The following SEL1L variants were observed in gnomAD, a reference collection of about 807,000 sequenced individuals.
SEL1L encodes protein sel-1 homolog 1.
A neutral mutation model predicts 109.8 loss-of-function variants in SEL1L; 52 were observed. The ratio of observed to expected loss-of-function variants is 0.47; its 90% confidence interval spans 0.38 to 0.60. The LOEUF is 0.60. SEL1L is among the 20% of genes least tolerant of loss of function. SEL1L has a pLI of 0.00. For missense variants in SEL1L, 749 were observed against 962.2 expected (o/e 0.78, Z 2.93); for synonymous variants, 373 against 339.6 (o/e 1.10, Z -1.08).
At chr14:81,527,612 G>T in intron 2 of SEL1L, 89 bp downstream of exon 2, 1 of 840,858 alleles carries the variant, frequency 1.2e-6, no homozygotes, top group Non-Finnish European at 1.8e-6. Context: ...TTACTCAAAA[G>T]TTGCAGACCT....
At chr14:81,516,147 C>T (rs960381562) in intron 3 of SEL1L, among the ~76,000 whole-genome samples, 1 of 152,198 alleles carries the variant, frequency 6.6e-6, no homozygotes, top group Non-Finnish European at 1.5e-5. Context: ...AAGCCCCCAA[C>T]CAGATGATCC....
rs1217555895 is a variant in SEL1L at position 81,526,780 on chromosome 14, T to C, written c.293A>G (p.Asn98Ser). Residue 98 changes from asparagine (N) to serine (S), a missense_variant, in exon 3 of 21, where the codon AAT (asparagine) becomes AGT (serine). Transcript: ENST00000336735. Reference protein sequence around the residue: ...TEDISFLESPNPENKDYEEPK... With the variant: ...TEDISFLESPSPENKDYEEPK... ...CTCTTCATAGTCCTTGTTTTCTGGA[T>C]TTGGAGACTCTAGAAAGCTGATATC... 4.4e-6 allele frequency: 7 copies of C among 1,608,974 alleles called. No homozygotes were observed. The highest frequency in any genetic ancestry group is 5.9e-6 in the Non-Finnish European group (7 of 1,178,726).
rs1566967398 is a variant in SEL1L at position 81,474,316 on chromosome 14, C to T, written c.*2656G>A. The T allele has an allele frequency of 6.7e-6, 1 of 150,120 alleles. No homozygotes were observed. Among genetic ancestry groups the T allele is most frequent in the Admixed American group, 6.6e-5 (1 of 15,076 alleles). The allele number at this position is 150,120 out of a possible 1,614,324, so 9.3% of individuals were successfully genotyped here. On this transcript the variant is annotated 3_prime_UTR_variant, in exon 21 of 21. Coordinates refer to ENST00000336735, the MANE Select transcript of SEL1L (RefSeq NM_005065.6). ...AGAAGCAAAATGAATAGTTTCAAGA[C>T]AGTCGGCTAACCAACAAACCAAATG...
At position 81,527,689 on chromosome 14, in the gene SEL1L, T is replaced by G. The variant is rs1220471129; in HGVS notation, c.108+12A>C. ...GCAGCAAATACTGGCCAATACACAT[T>G]TTAGTACATACCTTGGAATCTAAGG... On this transcript the variant is annotated intron_variant, in intron 2 of 20. Coordinates refer to ENST00000336735, the MANE Select transcript of SEL1L (RefSeq NM_005065.6). 6.3e-7 allele frequency: 1 copy of G among 1,594,050 alleles called. No individual in the cohort carries two copies. Among genetic ancestry groups the G allele is most frequent in the African/African-American group, 1.4e-5 (1 of 74,008 alleles).
chr14:81,487,750 C>A, intron 15 of SEL1L, 105 bp downstream of exon 15: 7 of 1,539,554 alleles, frequency 4.5e-6, no homozygotes, highest in Non-Finnish European at 5.2e-6. Context: ...AACATTTAAC[C>A]AGCCAGAATT....
chr14:81,533,574 G>A (rs1217818564), intron 1 of SEL1L, 101 bp downstream of exon 1: 2 of 1,124,092 alleles, frequency 1.8e-6, no homozygotes, highest in East Asian at 2.5e-5. Flanking sequence ...ATGTGCCCAG[G>A]GAGAACGGGG....
chr14:81,478,725 T>C (rs569953013), intron 20 of SEL1L, among the ~76,000 whole-genome samples: 142 of 152,324 alleles, frequency 9.3e-4, no homozygotes, highest in African/African-American at 3.3e-3. Context: ...ACCCTATCTG[T>C]GGAGGACTTC....
chr14:81,489,204 C>A, intron 14 of SEL1L, 48 bp downstream of exon 14: 1 of 1,530,620 alleles, frequency 6.5e-7, no homozygotes, highest in Non-Finnish European at 9.1e-7. Flanking sequence ...GTCCCTACCT[C>A]TCCAGCTGAC....
At chr14:81,520,479 A>C (rs1221376437) in intron 3 of SEL1L, among the ~76,000 whole-genome samples, 1 of 152,230 alleles carries the variant, frequency 6.6e-6, no homozygotes, top group Non-Finnish European at 1.5e-5. Flanking sequence ...ATAAAACAAA[A>C]TAACATTAAT....
chr14:81,485,821 G>T, intron 17 of SEL1L, 75 bp from the exon 18 acceptor site: 1 of 1,168,828 alleles, frequency 8.6e-7, no homozygotes, highest in African/African-American at 1.5e-5. Flanking sequence ...TTGCAAAGTA[G>T]GAAGGATAGG....
chr14:81,494,137 TA>T (rs1220314519), intron 11 of SEL1L, among the ~76,000 whole-genome samples: 1 of 152,196 alleles, frequency 6.6e-6, no homozygotes, highest in African/African-American at 2.4e-5. Context: ...AACATATCCC[TA>T]AAATCTTCTC....
intron 13 of SEL1L, 42 bp downstream of exon 13, chr14:81,490,346 G>A (rs1426654358): frequency 1.4e-6 from 2 of 1,395,092 alleles, no homozygotes; most frequent in Non-Finnish European, 2.0e-6. Context: ...TAAAATATTA[G>A]TAATATGGTA....
At chr14:81,485,204 C>T (rs1595504530) in intron 18 of SEL1L, among the ~76,000 whole-genome samples, 3 of 152,262 alleles carry the variant, frequency 2.0e-5, no homozygotes. Context: ...GAAACTCTGG[C>T]TCTAGAAACT....
intron 3 of SEL1L, among the ~76,000 whole-genome samples, chr14:81,507,285 G>A (rs1230250809): frequency 6.6e-6 from 1 of 152,168 alleles, no homozygotes; most frequent in Non-Finnish European, 1.5e-5. Flanking sequence ...AAGTAAGGCT[G>A]GATGCAAGGT....
intron 3 of SEL1L, among the ~76,000 whole-genome samples, chr14:81,514,018 C>T (rs1418527101): frequency 1.3e-5 from 2 of 152,238 alleles, no homozygotes; most frequent in African/African-American, 4.8e-5. Flanking sequence ...CGCCTCTCTT[C>T]TCTGAGGCTA....
At chr14:81,481,346 C>T (rs1595501972) in intron 19 of SEL1L, among the ~76,000 whole-genome samples, 1 of 152,326 alleles carries the variant, frequency 6.6e-6, no homozygotes, top group East Asian at 1.9e-4. Flanking sequence ...TATTTAAATA[C>T]AAGCAGTTAT....
chr14:81,491,601 AC>A (rs1883538614), intron 12 of SEL1L, among the ~76,000 whole-genome samples: 1 of 152,134 alleles, frequency 6.6e-6, no homozygotes, highest in African/African-American at 2.4e-5. Context: ...TATTGTAAAA[AC>A]CTTTGTGATA....
At chr14:81,487,341 TG>T (rs1424697841) in intron 16 of SEL1L, 48 bp downstream of exon 16, 2 of 1,512,362 alleles carry the variant, frequency 1.3e-6, no homozygotes, top group African/African-American at 2.9e-5. Flanking sequence ...CAGACTTTCC[TG>T]CTGGGCAAAT....
chr14:81,520,969 A>T (rs972926394), intron 3 of SEL1L, among the ~76,000 whole-genome samples: 1 of 152,194 alleles, frequency 6.6e-6, no homozygotes, highest in African/African-American at 2.4e-5. Context: ...TTGAGGAAAG[A>T]AACGACCCGA....
Sources: allele counts gnomAD v4.1 joint callset (sites outside exome capture counted in the v4.1 genomes callset), GRCh38; gene constraint gnomAD v4.1.1; transcripts MANE v1.5; gene names NCBI Gene and HGNC (gene_info 2026-07-23, HGNC 2026-07-21).